CCDC171: variants seen among roughly 807,000 people sequenced by gnomAD.
CCDC171 encodes the protein coiled-coil domain containing 171, also known as coiled-coil domain-containing protein 171.
A neutral mutation model predicts 168.2 loss-of-function variants in CCDC171; 177 were observed. The observed-to-expected ratio is 1.05, with a 90% CI of 0.93 to 1.19. The LOEUF (loss-of-function observed/expected upper bound fraction) is 1.19. Among genes scored for constraint, CCDC171 ranks in the 50% most tolerant of loss-of-function variants. The probability of loss-of-function intolerance (pLI) is 0.00; values close to 1 mark genes in which losing one functional copy is unlikely to be tolerated. For synonymous variants in CCDC171, 687 were observed against 540.8 expected (o/e 1.27, Z -3.75); for missense variants, 1,991 against 1,539.0 (o/e 1.29, Z -4.91).
intron 18 of CCDC171, among the ~76,000 whole-genome samples, chr9:15,768,233 A>T (rs2056838489): frequency 6.6e-6 from 1 of 151,524 alleles, no homozygotes; most frequent in African/African-American, 2.4e-5. Flanking sequence ...TCAAATTTTT[A>T]CCCATTTTCT....
intron 21 of CCDC171, among the ~76,000 whole-genome samples, chr9:15,792,409 A>G (rs532148866): frequency 3.3e-5 from 5 of 152,308 alleles, no homozygotes; most frequent in African/African-American, 1.2e-4. Flanking sequence ...TCAGGATATT[A>G]TCCAGGAGAA....
At chr9:15,678,991 A>T in intron 10 of CCDC171, 95 bp downstream of exon 10, 1 of 942,752 alleles carries the variant, frequency 1.1e-6, no homozygotes, top group South Asian at 1.8e-5. Flanking sequence ...ATGAGATAAT[A>T]GTATGCAAGT....
rs536244811 is a variant in CCDC171 at position 15,706,015 on chromosome 9, A to G, written c.1318+10678A>G. Among the ~76,000 whole-genome samples, 25 of 152,334 alleles carry G rather than the reference A, an allele frequency of 1.6e-4. No individual in the cohort carries two copies. In the South Asian group the frequency reaches 4.8e-3, roughly 29 times the overall value. ...ACCAGAAAGATTGACCTCCAGTGGAACAGATGTACAATCTTTCATGGATCA... is the reference window on the plus strand; with the variant it reads ...ACCAGAAAGATTGACCTCCAGTGGAGCAGATGTACAATCTTTCATGGATCA... On this transcript the variant is annotated intron_variant, in intron 11 of 25. Coordinates refer to ENST00000380701, the MANE Select transcript of CCDC171 (RefSeq NM_173550.4).
chr9:15,887,701 A>G (rs989235049), intron 24 of CCDC171: 7 of 152,208 alleles, frequency 4.6e-5, no homozygotes, highest in Non-Finnish European at 1.0e-4. Flanking sequence ...AAGGAAAAAT[A>G]AAAATGAAAA....
At chr9:15,984,805 A>T (rs1166154594) in intron 3 of CCDC171, among the ~76,000 whole-genome samples, 2 of 152,172 alleles carry the variant, frequency 1.3e-5, no homozygotes, top group African/African-American at 4.8e-5. Context: ...TAAGTCTCAC[A>T]ACAGAGCAGA....
At chr9:16,004,537 C>G (rs1832643829) in intron 3 of CCDC171, among the ~76,000 whole-genome samples, 1 of 152,120 alleles carries the variant, frequency 6.6e-6, no homozygotes, top group Admixed American at 6.6e-5. Context: ...CTGCTTGGTT[C>G]TCTTTTGTTT....
rs374126996 is a variant in CCDC171, at chr9:15,884,017, A to T, written c.3600+9354A>T. Among the ~76,000 whole-genome samples the T allele has an allele frequency of 1.3e-4, 20 of 152,260 alleles. No individual in the cohort carries two copies. In the East Asian group the frequency reaches 2.7e-3, roughly 21 times the overall value. On this transcript the variant is annotated intron_variant, in intron 24 of 25. Transcript: ENST00000380701. ...GACACAAATTACACCAGTAGCAGGG[A>T]TTCTCATTATTTTATACAATTGTTT...
intron 1 of CCDC171, among the ~76,000 whole-genome samples, chr9:15,556,580 T>G (rs1047806990): frequency 1.3e-5 from 2 of 152,172 alleles, no homozygotes; most frequent in African/African-American, 4.8e-5. Flanking sequence ...CACTTTTTGA[T>G]GGGGTTGTTT....
chr9:15,829,975 A>G (rs1313456030), intron 21 of CCDC171, among the ~76,000 whole-genome samples: 1 of 152,200 alleles, frequency 6.6e-6, no homozygotes, highest in Non-Finnish European at 1.5e-5. Flanking sequence ...ATGGCATAAT[A>G]GTAGGCTTGT....
At chr9:15,981,616 C>T (rs1001520970) in intron 3 of CCDC171, among the ~76,000 whole-genome samples, 1 of 152,120 alleles carries the variant, frequency 6.6e-6, no homozygotes, top group Non-Finnish European at 1.5e-5. Context: ...GTTGTAACTA[C>T]CTAAACAATG....
chr9:15,687,222 G>T lies in CCDC171; in HGVS notation c.1216-8013G>T, dbSNP rs140479453. 1.5e-3 allele frequency among the ~76,000 whole-genome samples: 230 copies of T among 152,162 alleles called. 2 individuals are homozygous for T. The highest frequency in any genetic ancestry group is 5.3e-3 in the African/African-American group (222 of 41,540). On this transcript the variant is annotated intron_variant, in intron 10 of 25. Transcript: ENST00000380701. ...CACTTTGAGATGAGTGAAATAAAAA[G>T]ACAACATACCAAACTTTGTGGGATG... is the stretch of plus-strand genomic sequence containing the variant.
chr9:15,574,209 A>G (rs558225792), intron 3 of CCDC171, among the ~76,000 whole-genome samples: 161 of 150,808 alleles, frequency 1.1e-3, no homozygotes, highest in African/African-American at 3.8e-3. Flanking sequence ...CAGTGGTGCT[A>G]TCTTGGCTCA....
At chr9:15,630,183 A>G (rs1172089576) in intron 7 of CCDC171, among the ~76,000 whole-genome samples, 3 of 152,202 alleles carry the variant, frequency 2.0e-5, no homozygotes, top group Non-Finnish European at 2.9e-5. Flanking sequence ...AACAATATTA[A>G]CTTTAAATGT....
chr9:15,988,377 C>T (rs751240920), intron 3 of CCDC171, among the ~76,000 whole-genome samples: 1 of 152,160 alleles, frequency 6.6e-6, no homozygotes, highest in African/African-American at 2.4e-5. Context: ...AAAATATTTC[C>T]TCCAGAATCA....
intron 25 of CCDC171, among the ~76,000 whole-genome samples, chr9:15,938,284 C>G (rs1827324994): frequency 6.6e-6 from 1 of 151,686 alleles, no homozygotes; most frequent in Non-Finnish European, 1.5e-5. Context: ...AATAGATTTT[C>G]TTTTTGAAAA....
At chr9:15,906,217 C>G (rs1369052898) in intron 24 of CCDC171, among the ~76,000 whole-genome samples, 1 of 152,128 alleles carries the variant, frequency 6.6e-6, no homozygotes, top group Non-Finnish European at 1.5e-5. Context: ...AGAGACACAA[C>G]CCAAAAAGAG....
intron 7 of CCDC171, among the ~76,000 whole-genome samples, chr9:15,645,671 A>C (rs987917243): frequency 1.3e-5 from 2 of 152,210 alleles, no homozygotes; most frequent in Non-Finnish European, 2.9e-5. Flanking sequence ...GATGAATGAA[A>C]TGAAGTGATA....
chr9:15,561,136 A>G (rs1388769009), intron 1 of CCDC171, among the ~76,000 whole-genome samples: 2 of 152,204 alleles, frequency 1.3e-5, no homozygotes, highest in Admixed American at 1.3e-4. Context: ...GTGACTGCTT[A>G]TCTTTAAGCC....
rs1175340812 is a variant in CCDC171 at position 15,725,738 on chromosome 9, C to T, written c.1692+762C>T. On this transcript the variant is annotated intron_variant, in intron 14 of 25. Transcript: ENST00000380701. ...GTACTGGGATTACAGGCCTGAGCCA[C>T]TGTGCCTGGCCTAGTTTCCTTATTT... Among the ~76,000 whole-genome samples, 4 of 152,194 alleles carry T rather than the reference C, an allele frequency of 2.6e-5. No homozygotes were observed. The East Asian group carries it at 7.7e-4, about 29-fold the overall frequency.
Sources: gnomAD v4.1 joint callset for allele counts (sites outside exome capture counted in the v4.1 genomes callset) on GRCh38, gnomAD v4.1.1 for gene constraint, MANE v1.5 for transcripts, NCBI Gene and HGNC (gene_info 2026-07-23, HGNC 2026-07-21) for gene names.